Variants in GRID1 observed in about 807,000 individuals in gnomAD.
The protein encoded by GRID1 is glutamate receptor ionotropic, delta-1.
A neutral mutation model predicts 98.0 loss-of-function variants in GRID1; 28 were observed. The observed-to-expected ratio is 0.29, with a 90% confidence interval of 0.21 to 0.39. The LOEUF (loss-of-function observed/expected upper bound fraction) is 0.39, where lower values mean the gene tolerates loss of function less well. Ranked by LOEUF, GRID1 falls within the 10% of genes least tolerant of loss-of-function variation. GRID1 has a pLI of 1.00. For synonymous variants in GRID1, 553 were observed against 538.5 expected, an observed-to-expected ratio of 1.03 and a Z score of -0.37; for missense variants, 1,111 against 1,340.5, an observed-to-expected ratio of 0.83 and a Z score of 2.67.
At chr10:86,057,414 C>T (rs918269267) in intron 4 of GRID1, among the ~76,000 whole-genome samples, 1 of 152,190 alleles carries the variant, frequency 6.6e-6, no homozygotes. Context: ...CAGACATGGC[C>T]TGTATCCCCA....
chr10:86,066,562 C>G (rs1843722893), intron 4 of GRID1, among the ~76,000 whole-genome samples: 1 of 152,172 alleles, frequency 6.6e-6, no homozygotes, highest in African/African-American at 2.4e-5. Context: ...TGGCTCTGCC[C>G]ATCATGCTAT....
intron 12 of GRID1, among the ~76,000 whole-genome samples, chr10:85,678,187 A>T (rs1465908315): frequency 4.6e-5 from 7 of 152,162 alleles, no homozygotes; most frequent in Non-Finnish European, 1.0e-4. Context: ...TCAGTTGAGC[A>T]GGAAGGTCAG....
Position 85,647,217 on chromosome 10 carries a change from T to C in GRID1, c.2178A>G (p.Ser726=), listed in dbSNP as rs753118259. ...GGADNCVSSP[S]EGIRKAKKGN... ...TCCTGCCTACCTTCCTGATGCCTTC[T>C]GAAGGACTGGACACGCAGTTGTCAG... The change falls in exon 13 of 16, where the codon TCA becomes TCG. Residue 726 remains serine, a synonymous_variant. Transcript: ENST00000327946. 1.2e-6 allele frequency: 2 copies of C among 1,614,164 alleles called. No individual in the cohort carries two copies. The highest frequency in any genetic ancestry group is 2.2e-5 in the East Asian group (1 of 44,882).
chr10:86,099,362 C>G (rs1844262888), intron 4 of GRID1, among the ~76,000 whole-genome samples: 1 of 152,166 alleles, frequency 6.6e-6, no homozygotes, highest in Non-Finnish European at 1.5e-5. Flanking sequence ...TCCTGATGAG[C>G]ACTGGAAATA....
intron 9 of GRID1, 123 bp from the exon 10 acceptor site, chr10:85,728,175 G>T (rs550617060): frequency 1.9e-5 from 14 of 747,084 alleles, no homozygotes; most frequent in South Asian, 7.9e-5. Flanking sequence ...TAGGACTTCA[G>T]GCTCAACTTC....
At chr10:85,867,717 T>G (rs923596733) in intron 6 of GRID1, among the ~76,000 whole-genome samples, 1 of 152,150 alleles carries the variant, frequency 6.6e-6, no homozygotes, top group African/African-American at 2.4e-5. Context: ...GGGCCTTGGG[T>G]CCACTCTCTT....
At chr10:86,282,309 CCT>C (rs1213059597) in intron 2 of GRID1, among the ~76,000 whole-genome samples, 3 of 152,152 alleles carry the variant, frequency 2.0e-5, no homozygotes, top group Non-Finnish European at 2.9e-5. Flanking sequence ...AATCATTGGA[CCT>C]CTCTGGGCCT....
Position 86,268,493 on chromosome 10 carries a change from G to C in GRID1, c.236-61845C>G, listed in dbSNP as rs557772874. Among the ~76,000 whole-genome samples the C allele has an allele frequency of 7.9e-5, 12 of 152,282 alleles. No individual in the cohort carries two copies. In the South Asian group the frequency reaches 2.1e-3, roughly 26 times the overall value. On this transcript the variant is annotated intron_variant, in intron 2 of 15. Transcript: ENST00000327946. ...TGTGGGGGTTGTTTGTTACCACGGG[G>C]GCTAGCCCATTTGAACCCATGCAAG... is the stretch of plus-strand genomic sequence containing the variant.
At chr10:85,919,776 C>A (rs1841676116) in intron 4 of GRID1, among the ~76,000 whole-genome samples, 1 of 152,242 alleles carries the variant, frequency 6.6e-6, no homozygotes, top group Non-Finnish European at 1.5e-5. Context: ...CACTTCCTGG[C>A]TGAGTGCTCC....
intron 3 of GRID1, among the ~76,000 whole-genome samples, chr10:86,170,540 C>A (rs892179621): frequency 2.6e-5 from 4 of 152,240 alleles, no homozygotes; most frequent in African/African-American, 9.6e-5. Context: ...GCTGGGCCTG[C>A]CCATCTTTAG....
intron 2 of GRID1, among the ~76,000 whole-genome samples, chr10:86,348,736 C>T (rs1378375782): frequency 6.6e-6 from 1 of 152,252 alleles, no homozygotes. Context: ...CTGCTGGCTG[C>T]ACCTGACATC....
chr10:86,235,778 TTATC>T (rs1424360725), intron 2 of GRID1, among the ~76,000 whole-genome samples: 1 of 152,252 alleles, frequency 6.6e-6, no homozygotes, highest in Non-Finnish European at 1.5e-5. Flanking sequence ...CCAATTTTGT[TTATC>T]TATTCACCAG....
intron 4 of GRID1, among the ~76,000 whole-genome samples, chr10:86,087,753 G>A (rs1429123589): frequency 6.6e-6 from 1 of 152,142 alleles, no homozygotes; most frequent in Non-Finnish European, 1.5e-5. Flanking sequence ...CAAGGGAGAA[G>A]CTCCCATTCT....
At chr10:85,799,938 T>A (rs887928871) in intron 8 of GRID1, among the ~76,000 whole-genome samples, 1 of 152,114 alleles carries the variant, frequency 6.6e-6, no homozygotes, top group Non-Finnish European at 1.5e-5. Flanking sequence ...ATTTGATTAT[T>A]ATACAATGTA....
intron 12 of GRID1, among the ~76,000 whole-genome samples, chr10:85,712,102 A>G (rs1284102695): frequency 6.6e-6 from 1 of 151,826 alleles, no homozygotes; most frequent in East Asian, 1.9e-4. Context: ...AACATGAGGA[A>G]CACAAATGAT....
chr10:85,901,755 T>C lies in GRID1; in HGVS notation c.780+14431A>G, dbSNP rs1439909712. On this transcript the variant is annotated intron_variant, in intron 5 of 15. Coordinates refer to ENST00000327946, the MANE Select transcript of GRID1 (RefSeq NM_017551.3). Reference sequence around the variant, plus strand: ...GACTGTGATCTAAAGCACAATGGTATGTCACTTCTTCCTCGGTCCTGCTCC... The same window carrying C: ...GACTGTGATCTAAAGCACAATGGTACGTCACTTCTTCCTCGGTCCTGCTCC... Among the ~76,000 whole-genome samples, 3 of 152,168 alleles carry C rather than the reference T, an allele frequency of 2.0e-5. No homozygotes were observed. The East Asian group carries it at 5.8e-4, about 29-fold the overall frequency.
intron 4 of GRID1, among the ~76,000 whole-genome samples, chr10:86,028,597 A>G (rs1181200135): frequency 6.6e-6 from 1 of 152,164 alleles, no homozygotes; most frequent in Non-Finnish European, 1.5e-5. Context: ...AAACCTAGAG[A>G]AGGGGGGAGC....
chr10:86,299,595 C>T (rs1396348227), intron 2 of GRID1, among the ~76,000 whole-genome samples: 1 of 151,910 alleles, frequency 6.6e-6, no homozygotes, highest in Admixed American at 6.6e-5. Flanking sequence ...TGTTCTCACT[C>T]ATAGGAGGGA....
intron 4 of GRID1, among the ~76,000 whole-genome samples, chr10:86,029,284 G>A (rs559780423): frequency 2.0e-5 from 3 of 152,246 alleles, no homozygotes; most frequent in Middle Eastern, 3.4e-3. Flanking sequence ...ACTCTTCTCT[G>A]AAGACTCACA....
Sources: gnomAD v4.1 joint callset for allele counts (sites outside exome capture counted in the v4.1 genomes callset) on GRCh38, gnomAD v4.1.1 for gene constraint, MANE v1.5 for transcripts, NCBI Gene and HGNC (gene_info 2026-07-23, HGNC 2026-07-21) for gene names.